CCDC91: variants seen among roughly 807,000 people sequenced by gnomAD.
CCDC91 encodes coiled-coil domain containing 91.
Under a neutral mutation model 63.2 loss-of-function variants are expected in CCDC91, and 48 were observed. The observed-to-expected ratio is 0.76, with a 90% confidence interval of 0.60 to 0.97. CCDC91 has a LOEUF of 0.97. CCDC91 is among the 50% of genes least tolerant of loss of function. CCDC91 has a pLI of 0.00. For missense variants in CCDC91, 500 were observed against 494.6 expected (o/e 1.01, Z -0.10); for synonymous variants, 167 against 165.8 (o/e 1.01, Z -0.06).
intron 12 of CCDC91, among the ~76,000 whole-genome samples, chr12:28,503,787 G>C (rs917096140): frequency 2.0e-5 from 3 of 152,098 alleles, no homozygotes; most frequent in African/African-American, 7.2e-5. Flanking sequence ...CCTTTGTAGG[G>C]ACATGGATGA....
chr12:28,210,817 C>T (rs1943183020), intron 1 of CCDC91, among the ~76,000 whole-genome samples: 1 of 151,782 alleles, frequency 6.6e-6, no homozygotes, highest in South Asian at 2.1e-4. Flanking sequence ...ATTGCCTAAG[C>T]TGGGAATTGC....
At chr12:28,208,551 G>T (rs1451121497) in intron 1 of CCDC91, among the ~76,000 whole-genome samples, 1 of 152,064 alleles carries the variant, frequency 6.6e-6, no homozygotes, top group Non-Finnish European at 1.5e-5. Flanking sequence ...TGTCAGAAAA[G>T]ACCATTTTAA....
chr12:28,479,395 ATAGG>A (rs1006566693), intron 11 of CCDC91, among the ~76,000 whole-genome samples: 15 of 152,174 alleles, frequency 9.9e-5, no homozygotes, highest in African/African-American at 3.1e-4. Flanking sequence ...GTTCTCACTC[ATAGG>A]TAGGAATTGA....
intron 7 of CCDC91, among the ~76,000 whole-genome samples, chr12:28,376,511 G>A (rs937602349): frequency 1.8e-4 from 27 of 151,646 alleles, no homozygotes; most frequent in Non-Finnish European, 1.2e-4. Flanking sequence ...TCCTTGATGT[G>A]GGATAAGTGA....
Position 28,394,190 on chromosome 12 carries a change from G to A in CCDC91, c.762+2779G>A, listed in dbSNP as rs574081579. 7.2e-5 allele frequency among the ~76,000 whole-genome samples: 11 copies of A among 152,284 alleles called. No homozygotes were observed. In the South Asian group the frequency reaches 1.0e-3, roughly 14 times the overall value. ...GCTACTTAAAAAGCAAAGATTAGTCGTTGCAGTGGCTCACGCCTGTAATCC... is the reference window on the plus strand; with the variant it reads ...GCTACTTAAAAAGCAAAGATTAGTCATTGCAGTGGCTCACGCCTGTAATCC... On this transcript the variant is annotated intron_variant, in intron 8 of 12. Transcript: ENST00000536442.
chr12:28,332,172 TC>T (rs1941570584), intron 6 of CCDC91, among the ~76,000 whole-genome samples: 2 of 152,270 alleles, frequency 1.3e-5, no homozygotes, highest in East Asian at 3.9e-4. Flanking sequence ...GGAATGCTAT[TC>T]ATAACATACT....
In CCDC91 at chr12:28,474,829, C is replaced by T. The variant is rs561772026; in HGVS notation, c.1102-9223C>T. On this transcript the variant is annotated intron_variant, in intron 11 of 12. Coordinates refer to ENST00000536442, the MANE Select transcript of CCDC91 (RefSeq NM_018318.5). The stretch of plus-strand genomic sequence containing the variant: ...AAATTATAACAAACTGTCTCTCAGA[C>T]GACAGTGCAATCAAGCTAGAACTCA... Among the ~76,000 whole-genome samples the T allele has an allele frequency of 7.2e-5, 11 of 151,978 alleles. No individual in the cohort carries two copies. The South Asian group carries it at 1.9e-3, about 26-fold the overall frequency.
At chr12:28,390,522 T>C (rs778237685) in intron 7 of CCDC91, among the ~76,000 whole-genome samples, 39 of 152,126 alleles carry the variant, frequency 2.6e-4, no homozygotes, top group Non-Finnish European at 5.0e-4. Context: ...AAAAAGATGA[T>C]AATATTCTAA....
intron 7 of CCDC91, among the ~76,000 whole-genome samples, chr12:28,388,613 C>T (rs1414349188): frequency 6.6e-6 from 1 of 152,102 alleles, no homozygotes; most frequent in Non-Finnish European, 1.5e-5. Context: ...TCATAGATGA[C>T]ACAAATGGAA....
intron 11 of CCDC91, among the ~76,000 whole-genome samples, chr12:28,468,529 T>C (rs1022025417): frequency 6.6e-6 from 1 of 152,002 alleles, no homozygotes; most frequent in Admixed American, 6.6e-5. Context: ...TCAGAACTAA[T>C]ACCAATCCTT....
rs536823111 is a variant in CCDC91, at chr12:28,490,591, C to G, written c.1215+6426C>G. Among the ~76,000 whole-genome samples, 4 of 151,872 alleles carry G rather than the reference C, an allele frequency of 2.6e-5. No homozygotes were observed. In the South Asian group the frequency reaches 6.2e-4, roughly 24 times the overall value. ...ACTAGGTCACAAATTTATCCTTCTT[C>G]TTAAATTAAAAGCTTAGGAAATTTG... On this transcript the variant is annotated intron_variant, in intron 12 of 12. Transcript: ENST00000536442.
rs1409932213 is a variant in CCDC91 at position 28,521,973 on chromosome 12, G to A, written c.1216-27090G>A. On this transcript the variant is annotated intron_variant, in intron 12 of 12. Transcript: ENST00000536442. ...TTTGATGTGCTGCTGGATTCGGTTTGCCAGTATTTTCTTGAGGATTTTTGC... is the reference window on the plus strand; with the variant it reads ...TTTGATGTGCTGCTGGATTCGGTTTACCAGTATTTTCTTGAGGATTTTTGC... Among the ~76,000 whole-genome samples the A allele has an allele frequency of 2.0e-5, 3 of 152,256 alleles. No individual in the cohort carries two copies. The East Asian group carries it at 5.8e-4, about 29-fold the overall frequency.
intron 12 of CCDC91, among the ~76,000 whole-genome samples, chr12:28,496,863 GGT>G (rs1491296912): frequency 1.4e-5 from 2 of 144,558 alleles, no homozygotes; most frequent in African/African-American, 5.1e-5. Context: ...TAGTTCTTAA[GGT>G]ATATATATAT....
In CCDC91 at chr12:28,335,106, A is replaced by G. The variant is rs866274421; in HGVS notation, c.577-27332A>G. Among the ~76,000 whole-genome samples the G allele has an allele frequency of 2.4e-4, 35 of 143,660 alleles. 1 individual carries two copies. The highest frequency in any genetic ancestry group is 8.3e-4 in the African/African-American group (33 of 39,536). 94.2% of individuals were successfully genotyped at this position (143,660 alleles called of 152,430 possible). A position where few individuals can be genotyped will look rare whatever the true frequency, so the allele number is the denominator to read the frequency against. On this transcript the variant is annotated intron_variant, in intron 6 of 12. Transcript: ENST00000536442. ...AAAATGTAAAAAATATAAAATATAA[A>G]TATACATTTATATTTTATACATATA...
intron 8 of CCDC91, chr12:28,412,808 T>G (rs1007146481): frequency 4.4e-6 from 2 of 453,822 alleles, no homozygotes; most frequent in African/African-American, 4.0e-5. Context: ...TCCTGCTGAT[T>G]GGTGCGTTTT....
chr12:28,324,462 A>G (rs929458955), intron 6 of CCDC91, among the ~76,000 whole-genome samples: 5 of 151,862 alleles, frequency 3.3e-5, no homozygotes, highest in Non-Finnish European at 7.4e-5. Context: ...TCCCTCAGCA[A>G]TGCCATTGCC....
intron 12 of CCDC91, among the ~76,000 whole-genome samples, chr12:28,540,388 T>A (rs1942542086): frequency 6.6e-6 from 1 of 152,192 alleles, no homozygotes; most frequent in Admixed American, 6.5e-5. Flanking sequence ...CATGGTTTAA[T>A]GACTGCATCT....
intron 1 of CCDC91, chr12:28,236,871 A>G (rs1944981571): frequency 6.6e-6 from 1 of 152,082 alleles, no homozygotes; most frequent in African/African-American, 2.4e-5. Flanking sequence ...ATACTTTTTT[A>G]TTTTATGTAA....
chr12:28,363,766 A>G (rs1411208122), intron 7 of CCDC91, among the ~76,000 whole-genome samples: 2 of 148,044 alleles, frequency 1.4e-5, no homozygotes, highest in African/African-American at 2.5e-5. Context: ...AGTCCCAGCT[A>G]TTCGGGAGGC....
Sources: gnomAD v4.1 joint callset for allele counts (sites outside exome capture counted in the v4.1 genomes callset) on GRCh38, gnomAD v4.1.1 for gene constraint, MANE v1.5 for transcripts, NCBI Gene and HGNC (gene_info 2026-07-23, HGNC 2026-07-21) for gene names.